The following MDN1 variants were observed in gnomAD, a reference collection of about 807,000 sequenced individuals.
MDN1 encodes the protein midasin.
In MDN1, 266 loss-of-function variants were observed where a neutral mutation model predicts 669.2. The ratio of observed to expected loss-of-function variants is 0.40; its 90% CI spans 0.36 to 0.44. The LOEUF is 0.44. Ranked by LOEUF, MDN1 falls within the 20% of genes least tolerant of loss-of-function variation. The pLI is 1.00. For missense variants in MDN1, 5,940 were observed against 6,754.0 expected, an observed-to-expected ratio of 0.88 and a Z score of 4.22; for synonymous variants, 2,385 against 2,457.1, an observed-to-expected ratio of 0.97 and a Z score of 0.87.
intron 7 of MDN1, 22 bp from the exon 8 acceptor site, chr6:89,787,979 G>T: frequency 1.9e-6 from 3 of 1,556,150 alleles, no homozygotes; most frequent in Non-Finnish European, 1.8e-6. Flanking sequence ...AACAACAACC[G>T]CACTGATAAA....
rs1808601127 is a variant in MDN1, at chr6:89,648,109, C to T, written c.16318G>A (p.Glu5440Lys). The T allele has an allele frequency of 6.2e-7, 1 of 1,613,994 alleles. No homozygotes were observed. The highest frequency in any genetic ancestry group is 8.5e-7 in the Non-Finnish European group (1 of 1,180,002). The change falls in exon 99 of 102, where the codon GAG becomes AAG. Residue 5440 changes from glutamate (E) to lysine (K), a missense_variant. Glu to Lys is a moderately conservative substitution (Grantham distance 56). Around this residue, in one of 5 missense-constraint regions of MDN1, gnomAD observed 2,280 missense variants for 2,576.3 expected, o/e 0.88. Coordinates refer to ENST00000369393, the MANE Select transcript of MDN1 (RefSeq NM_014611.3). The stretch of plus-strand genomic sequence containing the variant: ...GACCCAGAGTAATCACTGAACTGCT[C>T]ATGAAATGGGTGTAACAGCTTTACA... ...ESVKLLHPFH[E>K]QFSDYSGSQI...
At chr6:89,743,475 T>C (rs1260801977) in intron 30 of MDN1, 101 bp downstream of exon 30, 6 of 1,446,452 alleles carry the variant, frequency 4.1e-6, no homozygotes, top group Non-Finnish European at 4.7e-6. Context: ...GATATGCACA[T>C]TTAACCAAAC....
chr6:89,668,538 G>GA (rs1405024965), intron 83 of MDN1, among the ~76,000 whole-genome samples: 2 of 152,168 alleles, frequency 1.3e-5, no homozygotes, highest in Admixed American at 1.3e-4. Flanking sequence ...GTGAAATGTT[G>GA]AAAAAAACTA....
intron 37 of MDN1, 91 bp from the exon 38 acceptor site, chr6:89,725,487 G>A (rs1360141927): frequency 9.2e-7 from 1 of 1,092,194 alleles, no homozygotes; most frequent in African/African-American, 1.6e-5. Context: ...AATAAAGCTA[G>A]AGTTATCTTC....
chr6:89,678,474 T>C lies in MDN1; in HGVS notation c.12412+125A>G, dbSNP rs1811383600. 2.7e-6 allele frequency: 3 copies of C among 1,103,918 alleles called. No individual in the cohort carries two copies. The South Asian group carries it at 5.3e-5, about 20-fold the overall frequency. 68.4% of individuals were successfully genotyped at this position (1,103,918 alleles called of 1,614,324 possible). ...TGGAACTCTTAGACATCTGGAAACC[T>C]TGCCTGTACCTTCTGTTGTCCACCA... On this transcript the variant is annotated intron_variant, in intron 75 of 101. Coordinates refer to ENST00000369393, the MANE Select transcript of MDN1 (RefSeq NM_014611.3).
chr6:89,715,834 T>C (rs1332618730), intron 44 of MDN1, 65 bp from the exon 45 acceptor site: 4 of 1,024,114 alleles, frequency 3.9e-6, no homozygotes, highest in Middle Eastern at 2.1e-4. Flanking sequence ...TTTCCTTCCA[T>C]GCACGGGGCT....
chr6:89,751,073 T>C (rs577985591), intron 23 of MDN1, among the ~76,000 whole-genome samples: 5 of 152,280 alleles, frequency 3.3e-5, no homozygotes, highest in Non-Finnish European at 5.9e-5. Context: ...GTAAACATTA[T>C]TCCTCAAAAA....
intron 15 of MDN1, among the ~76,000 whole-genome samples, chr6:89,764,871 A>C (rs1240660744): frequency 6.6e-6 from 1 of 152,220 alleles, no homozygotes; most frequent in African/African-American, 2.4e-5. Context: ...TTTGTATTTT[A>C]TCCTAAATGG....
chr6:89,767,945 G>T (rs1817882350), intron 15 of MDN1, among the ~76,000 whole-genome samples: 1 of 152,106 alleles, frequency 6.6e-6, no homozygotes, highest in African/African-American at 2.4e-5. Context: ...GGAGGGCCTA[G>T]GTGGGAGGAT....
At position 89,762,345 on chromosome 6, in the gene MDN1, T is replaced by C. The variant is rs1220970941; in HGVS notation, c.2330A>G (p.Asn777Ser). The C allele has an allele frequency of 6.2e-7, 1 of 1,614,092 alleles. No homozygotes were observed. The highest frequency in any genetic ancestry group is 8.5e-7 in the Non-Finnish European group (1 of 1,179,996). The change falls in exon 16 of 102, where the codon AAC becomes AGC. Residue 777 changes from asparagine (N) to serine (S), a missense_variant. Transcript: ENST00000369393. Reference protein sequence around the residue: ...LMQHVHKSAVNKDGKDSETGL... With the variant: ...LMQHVHKSAVSKDGKDSETGL... Reference sequence around the variant, plus strand: ...AGTTTCACTGTCTTTTCCATCCTTGTTAACAGCAGACTTGTGTACATGCTG... The same window carrying C: ...AGTTTCACTGTCTTTTCCATCCTTGCTAACAGCAGACTTGTGTACATGCTG...
intron 52 of MDN1, 25 bp downstream of exon 52, chr6:89,707,336 G>A: frequency 1.3e-6 from 2 of 1,494,036 alleles, no homozygotes; most frequent in Non-Finnish European, 1.9e-6. Flanking sequence ...CTTAATTAGA[G>A]AACACAAAAG....
intron 84 of MDN1, among the ~76,000 whole-genome samples, chr6:89,666,472 C>A (rs1453589965): frequency 6.6e-6 from 1 of 151,932 alleles, no homozygotes; most frequent in Admixed American, 6.6e-5. Flanking sequence ...ACCATGTTGG[C>A]CAGGCTGGGT....
intron 32 of MDN1, among the ~76,000 whole-genome samples, chr6:89,739,901 C>A (rs371813398): frequency 1.3e-5 from 2 of 152,124 alleles, no homozygotes; most frequent in East Asian, 3.9e-4. Context: ...AATTTCAGAT[C>A]CAACTTTTCT....
chr6:89,699,822 C>T (rs1813018579), intron 57 of MDN1, 95 bp from the exon 58 acceptor site: 2 of 1,353,526 alleles, frequency 1.5e-6, no homozygotes, highest in Non-Finnish European at 2.0e-6. Context: ...ATAAAACTTA[C>T]AGTACATTTA....
chr6:89,703,298 T>A (rs1813282693), intron 53 of MDN1, among the ~76,000 whole-genome samples: 1 of 150,270 alleles, frequency 6.7e-6, no homozygotes, highest in African/African-American at 2.4e-5. Context: ...GAATAGACCA[T>A]TTTTTGCCAT....
intron 15 of MDN1, among the ~76,000 whole-genome samples, chr6:89,764,559 G>C (rs1171780894): frequency 6.6e-6 from 1 of 152,182 alleles, no homozygotes; most frequent in Non-Finnish European, 1.5e-5. Context: ...TAAGTGCTAT[G>C]AACATAATGT....
chr6:89,685,818 A>C lies in MDN1; in HGVS notation c.11719+9T>G, dbSNP rs558485142. ...GCAATGTCAAAGGAAAGGAAAAAAA[A>C]ATCCTCACCCTTTCCTTCAACCTGT... On this transcript the variant is annotated intron_variant, in intron 70 of 101. Coordinates refer to ENST00000369393, the MANE Select transcript of MDN1 (RefSeq NM_014611.3). 8.1e-6 allele frequency: 13 copies of C among 1,609,724 alleles called. No homozygotes were observed. In the East Asian group the frequency reaches 2.9e-4, roughly 36 times the overall value.
At chr6:89,776,506 A>G in intron 12 of MDN1, 94 bp downstream of exon 12, 1 of 885,930 alleles carries the variant, frequency 1.1e-6, no homozygotes, top group African/African-American at 1.7e-5. Flanking sequence ...ACCACTGCAA[A>G]AGCTGTTCCA....
chr6:89,730,845 T>G lies in MDN1; in HGVS notation c.5021A>C (p.Lys1674Thr). 1 of 1,614,096 alleles carries G rather than the reference T, an allele frequency of 6.2e-7. No homozygotes were observed. The highest frequency in any genetic ancestry group is 8.5e-7 in the Non-Finnish European group (1 of 1,179,980). Residue 1674 changes from lysine to threonine, a missense_variant, in exon 35 of 102, where the codon AAG becomes ACG. Transcript: ENST00000369393. ...CLKFLIKRLA[K>T]IVRLTEYQKN... ...CTGATATTCTGTAAGTCGTACTATC[T>G]TGGCAAGCCTCTTGATTAGAAATTT... is the stretch of plus-strand genomic sequence containing the variant.
Sources: allele counts gnomAD v4.1 joint callset (sites outside exome capture counted in the v4.1 genomes callset), GRCh38; gene constraint gnomAD v4.1.1; regional missense constraint gnomAD v4.1.1; transcripts MANE v1.5; gene names NCBI Gene and HGNC (gene_info 2026-07-23, HGNC 2026-07-21).